Variants in MED12L observed in about 807,000 individuals in gnomAD.
The protein encoded by MED12L is mediator of RNA polymerase II transcription subunit 12-like protein.
In MED12L, 60 loss-of-function variants were observed where a neutral mutation model predicts 281.3. The observed-to-expected ratio is 0.21, with a 90% CI of 0.17 to 0.26. The LOEUF (loss-of-function observed/expected upper bound fraction) is 0.26, where lower values mean the gene tolerates loss of function less well. Ranked by LOEUF, MED12L falls within the 10% of genes least tolerant of loss-of-function variation. MED12L has a pLI of 1.00. For missense variants in MED12L, 2,146 were observed against 2,680.9 expected (o/e 0.80, Z 4.41); for synonymous variants, 974 against 987.2 (o/e 0.99, Z 0.25).
intron 3 of MED12L, among the ~76,000 whole-genome samples, chr3:151,121,744 C>T (rs1211153675): frequency 2.0e-5 from 3 of 152,112 alleles, no homozygotes; most frequent in African/African-American, 4.8e-5. Context: ...GAGATGGAGT[C>T]TCACTCTGTC....
At chr3:151,365,821 A>G in intron 22 of MED12L, 29 bp from the exon 23 acceptor site, 3 of 1,575,328 alleles carry the variant, frequency 1.9e-6, no homozygotes, top group Non-Finnish European at 2.6e-6. Context: ...GTACAAGGTT[A>G]CTTTCTGTGT....
In MED12L at chr3:151,162,104, A is replaced by G. The variant is rs34559945; in HGVS notation, c.1108-1789A>G. Among the ~76,000 whole-genome samples, 1,466 of 152,302 alleles carry G rather than the reference A, an allele frequency of 9.6e-3. 11 individuals carry two copies. Among genetic ancestry groups the G allele is most frequent in the South Asian group, 0.023 (110 of 4,828 alleles). ...TGAGTGGAGAGTTAAAAATATATAT[A>G]TATTTTGATGGGCAGATTTGAATGT... On this transcript the variant is annotated intron_variant, in intron 8 of 44. Transcript: ENST00000687756.
rs575594098 is a variant in MED12L, at chr3:151,106,609, C to T, written c.100-9729C>T. Among the ~76,000 whole-genome samples, 4 of 152,318 alleles carry T rather than the reference C, an allele frequency of 2.6e-5. No individual in the cohort carries two copies. In the South Asian group the frequency reaches 8.3e-4, roughly 32 times the overall value. The stretch of plus-strand genomic sequence containing the variant: ...TCTTGTCTTTTACAGCTGCATTCCA[C>T]TTCCTGCTACTGCTATGACAGCATT... On this transcript the variant is annotated intron_variant, in intron 2 of 44. Coordinates refer to ENST00000687756, the MANE Select transcript of MED12L (RefSeq NM_001393769.1).
chr3:151,356,630 T>TTTG (rs1414782391), intron 19 of MED12L, among the ~76,000 whole-genome samples: 4 of 152,074 alleles, frequency 2.6e-5, no homozygotes, highest in Non-Finnish European at 2.9e-5. Flanking sequence ...TCTGTTTTTT[T>TTTG]TTGTTGTTGT....
intron 42 of MED12L, among the ~76,000 whole-genome samples, chr3:151,414,962 A>G (rs546859993): frequency 2.0e-5 from 3 of 152,304 alleles, no homozygotes; most frequent in East Asian, 1.9e-4. Flanking sequence ...TATCATTACT[A>G]TGAGTACTCA....
At chr3:151,237,453 G>A (rs1437939116) in intron 16 of MED12L, among the ~76,000 whole-genome samples, 2 of 140,990 alleles carry the variant, frequency 1.4e-5, no homozygotes, top group African/African-American at 2.6e-5. Flanking sequence ...GGGTTCAAGC[G>A]ATTCTCCTGC....
chr3:151,111,171 A>G (rs1460883364), intron 2 of MED12L, among the ~76,000 whole-genome samples: 3 of 152,220 alleles, frequency 2.0e-5, no homozygotes, highest in African/African-American at 4.8e-5. Context: ...TATTTTCCCA[A>G]GAAGGTTTTT....
chr3:151,304,784 C>T (rs757771680), intron 16 of MED12L, among the ~76,000 whole-genome samples: 17 of 152,070 alleles, frequency 1.1e-4, no homozygotes, highest in Non-Finnish European at 1.8e-4. Flanking sequence ...AGGTTGACTG[C>T]GAGGTTAAAA....
intron 16 of MED12L, among the ~76,000 whole-genome samples, chr3:151,194,401 C>T (rs1724381529): frequency 6.6e-6 from 1 of 152,112 alleles, no homozygotes; most frequent in Admixed American, 6.5e-5. Context: ...AATTTTGAGG[C>T]ATAGGAAAGA....
At chr3:151,265,923 T>A (rs755788727) in intron 16 of MED12L, among the ~76,000 whole-genome samples, 2 of 152,176 alleles carry the variant, frequency 1.3e-5, no homozygotes, top group Non-Finnish European at 2.9e-5. Context: ...GAATTGAAGA[T>A]GGCAGGCAAA....
At chr3:151,199,070 G>A (rs747740700) in intron 16 of MED12L, 4 of 1,613,948 alleles carry the variant, frequency 2.5e-6, no homozygotes, top group East Asian at 2.2e-5. Context: ...GCTGACAAAT[G>A]CTAAGAAGAT....
At chr3:151,299,373 T>TTCTTTTCTTTTCTTTTCTTTTCTTTTC (rs1745569167) in intron 16 of MED12L, among the ~76,000 whole-genome samples, 1 of 134,172 alleles carries the variant, frequency 7.5e-6, no homozygotes, top group Non-Finnish European at 1.6e-5. Flanking sequence ...TTCTTTTCTT[T>TTCTTTTCTTTTCTTTTCTTTTCTTTTC]TCTTTTCTTT....
At chr3:151,313,744 T>C (rs1747856585) in intron 16 of MED12L, among the ~76,000 whole-genome samples, 1 of 152,204 alleles carries the variant, frequency 6.6e-6, no homozygotes, top group African/African-American at 2.4e-5. Context: ...CTTAGGAGTC[T>C]GAGGCAGGAG....
At chr3:151,401,502 A>G (rs527485351) in intron 39 of MED12L, among the ~76,000 whole-genome samples, 3 of 152,260 alleles carry the variant, frequency 2.0e-5, no homozygotes, top group African/African-American at 7.2e-5. Context: ...AGCAGGTGAA[A>G]TGGTATTATA....
At chr3:151,156,595 G>A (rs1044340930) in intron 6 of MED12L, among the ~76,000 whole-genome samples, 1 of 152,164 alleles carries the variant, frequency 6.6e-6, no homozygotes, top group Non-Finnish European at 1.5e-5. Flanking sequence ...ACTATTAAAT[G>A]TAATCCTTCT....
rs1480708076 is a variant in MED12L at position 151,388,075 on chromosome 3, A to C, written c.5354A>C (p.Lys1785Thr). 6.2e-7 allele frequency: 1 copy of C among 1,614,058 alleles called. No homozygotes were observed. The highest frequency in any genetic ancestry group is 1.3e-5 in the African/African-American group (1 of 75,044). ...TSPVSQEPER[K>T]SAELSDQGKT... is the part of the protein sequence containing the mutation. ...CCAGTTTCTCAGGAACCAGAAAGGA[A>C]GTCCGCTGAGCTGTCAGATCAGGGA... is the stretch of plus-strand genomic sequence containing the variant. Residue 1785 changes from lysine to threonine, a missense_variant, in exon 37 of 45, where the codon AAG (lysine) becomes ACG (threonine). By Grantham distance (78) the Lys-to-Thr change is moderately conservative. Transcript: ENST00000687756.
intron 7 of MED12L, among the ~76,000 whole-genome samples, chr3:151,159,285 A>G (rs1236520069): frequency 1.3e-5 from 2 of 152,252 alleles, no homozygotes; most frequent in African/African-American, 2.4e-5. Context: ...TACGTGATAC[A>G]TGTATTTGAT....
intron 40 of MED12L, 90 bp downstream of exon 40, chr3:151,409,422 C>T (rs1028418047): frequency 6.5e-6 from 7 of 1,076,400 alleles, no homozygotes; most frequent in African/African-American, 4.7e-5. Context: ...TATCAACTCC[C>T]TATAGGGTCT....
chr3:151,395,095 T>G (rs1208660153), intron 39 of MED12L, among the ~76,000 whole-genome samples: 6 of 152,340 alleles, frequency 3.9e-5, no homozygotes, highest in Middle Eastern at 3.4e-3. Context: ...ATTAAAAGTA[T>G]ACCTTAAAAC....
Sources: allele counts gnomAD v4.1 joint callset (sites outside exome capture counted in the v4.1 genomes callset), GRCh38; gene constraint gnomAD v4.1.1; transcripts MANE v1.5; gene names NCBI Gene and HGNC (gene_info 2026-07-23, HGNC 2026-07-21).